COL14A1: variants seen among roughly 807,000 people sequenced by gnomAD.
The protein encoded by COL14A1 is collagen alpha-1(XIV) chain.
A neutral mutation model predicts 230.3 loss-of-function variants in COL14A1; 136 were observed. That is an observed-to-expected ratio of 0.59 (90% CI 0.51 to 0.68). The LOEUF is 0.68. Among genes scored for constraint, COL14A1 ranks in the 30% least tolerant of loss-of-function variants. COL14A1 has a pLI of 0.00. For missense variants in COL14A1, 1,976 were observed against 2,215.8 expected (o/e 0.89, Z 2.17); for synonymous variants, 792 against 784.1 (o/e 1.01, Z -0.17).
rs376692180 is a variant in COL14A1 at position 120,289,647 on chromosome 8, A to G, written c.4117A>G (p.Ile1373Val). The G allele has an allele frequency of 3.7e-6, 6 of 1,614,066 alleles. No homozygotes were observed. Among genetic ancestry groups the G allele is most frequent in the African/African-American group, 1.3e-5 (1 of 75,050 alleles). ...VVSETLVKVV[I>V]DCKQVGEKAM... ...CAGTGAGACTTTGGTCAAAGTGGTT[A>G]TTGACTGCAAGCAAGTGGGTGAGAA... Residue 1373 changes from isoleucine (I) to valine (V), a missense_variant, in exon 34 of 48, where the codon ATT (isoleucine) becomes GTT (valine). This residue lies in a region of COL14A1 where 1,791 missense variants were observed against 2,019.5 expected (regional missense o/e 0.89). Coordinates refer to ENST00000297848, the MANE Select transcript of COL14A1 (RefSeq NM_021110.4).
intron 19 of COL14A1, among the ~76,000 whole-genome samples, chr8:120,232,468 C>T (rs10094350): frequency 0.092 from 14,042 of 152,068 alleles, 1,264 homozygotes; most frequent in East Asian, 0.4. Context: ...CTCCCTGTGT[C>T]CATGTGTTCT....
chr8:120,348,981 G>A (rs1489077825), intron 45 of COL14A1, among the ~76,000 whole-genome samples: 2 of 152,106 alleles, frequency 1.3e-5, no homozygotes, highest in Non-Finnish European at 2.9e-5. Context: ...ATACCCTAAT[G>A]TCCCTGTCTG....
Position 120,300,847 on chromosome 8 carries a change from T to G in COL14A1, c.4401+29T>G, listed in dbSNP as rs73329067. 8,646 of 1,548,666 alleles carry G rather than the reference T, an allele frequency of 5.6e-3. 353 individuals are homozygous for G. In the African/African-American group the frequency reaches 0.097, roughly 17 times the overall value. On this transcript the variant is annotated intron_variant, in intron 36 of 47. Coordinates refer to ENST00000297848, the MANE Select transcript of COL14A1 (RefSeq NM_021110.4). ...AGTCTTGCTGAGTTCAGCCTTAAAT[T>G]TTCTTTAATAATATTAATAGCTATC...
At chr8:120,124,535 A>T (rs1161125954), upstream of COL14A1, among the ~76,000 whole-genome samples, 1 of 152,222 alleles carries the variant, frequency 6.6e-6, no homozygotes, top group African/African-American at 2.4e-5. Context: ...TGTAACCTAC[A>T]GAAATGTCCA....
chr8:120,325,314 T>C (rs893311726), intron 40 of COL14A1, among the ~76,000 whole-genome samples: 1 of 152,190 alleles, frequency 6.6e-6, no homozygotes, highest in Non-Finnish European at 1.5e-5. Flanking sequence ...AAAGGAAAAA[T>C]GCCTAGAGCT....
At chr8:120,248,751 A>C (rs1413310934) in intron 21 of COL14A1, among the ~76,000 whole-genome samples, 1 of 151,916 alleles carries the variant, frequency 6.6e-6, no homozygotes, top group Non-Finnish European at 1.5e-5. Flanking sequence ...GCTACCTGGG[A>C]GGTTGAGGTG....
intron 5 of COL14A1, among the ~76,000 whole-genome samples, chr8:120,181,889 T>C (rs1586744188): frequency 6.6e-6 from 1 of 151,762 alleles, no homozygotes; most frequent in South Asian, 2.1e-4. Context: ...GAGGCGGAGG[T>C]TGCAGTAAGC....
chr8:120,236,939 G>A (rs1366360741), intron 19 of COL14A1, among the ~76,000 whole-genome samples: 3 of 152,130 alleles, frequency 2.0e-5, no homozygotes, highest in Non-Finnish European at 4.4e-5. Context: ...AATGTTGAAT[G>A]TTGGCCCCCA....
chr8:120,270,014 A>G, intron 25 of COL14A1, 21 bp from the exon 26 acceptor site: 2 of 1,609,698 alleles, frequency 1.2e-6, no homozygotes, highest in African/African-American at 1.3e-5. Flanking sequence ...CTCTGACTCA[A>G]AATTCATTGT....
Position 120,269,959 on chromosome 8 carries a change from A to G in COL14A1, c.3074-76A>G, listed in dbSNP as rs1819609730. ...GAGCTTCACTTAGCAGAGGGCAACC[A>G]TTATTTGTCTTATTGGTTTAATAAC... On this transcript the variant is annotated intron_variant, in intron 25 of 47. Coordinates refer to ENST00000297848, the MANE Select transcript of COL14A1 (RefSeq NM_021110.4). 4.7e-6 allele frequency: 7 copies of G among 1,504,238 alleles called. No homozygotes were observed. The East Asian group carries it at 9.1e-5, about 19-fold the overall frequency. 93.2% of individuals were successfully genotyped at this position (1,504,238 alleles called of 1,614,324 possible). A position where few individuals can be genotyped will look rare whatever the true frequency, so the allele number is the denominator to read the frequency against.
chr8:120,269,704 C>G (rs1409293565), intron 25 of COL14A1, among the ~76,000 whole-genome samples: 1 of 151,704 alleles, frequency 6.6e-6, no homozygotes, highest in Admixed American at 6.6e-5. Flanking sequence ...TTTGCTGATA[C>G]TTCGATCTCT....
chr8:120,270,219 A>G (rs372380914), intron 26 of COL14A1, 45 bp downstream of exon 26: 4 of 1,560,746 alleles, frequency 2.6e-6, no homozygotes, highest in African/African-American at 1.4e-5. Flanking sequence ...TTTAGAAATT[A>G]TTTCTCCAGC....
At chr8:120,249,982 A>G (rs1818888235) in intron 21 of COL14A1, among the ~76,000 whole-genome samples, 1 of 152,202 alleles carries the variant, frequency 6.6e-6, no homozygotes, top group Non-Finnish European at 1.5e-5. Context: ...CAGGAGGTAA[A>G]TAAATTTGTA....
intron 1 of COL14A1, among the ~76,000 whole-genome samples, chr8:120,127,066 G>A (rs1353031762): frequency 1.3e-5 from 2 of 152,174 alleles, no homozygotes; most frequent in Non-Finnish European, 2.9e-5. Context: ...AAGAAACCCT[G>A]TACCTATTAG....
At chr8:120,320,253 G>A (rs1821391957) in intron 40 of COL14A1, among the ~76,000 whole-genome samples, 1 of 152,078 alleles carries the variant, frequency 6.6e-6, no homozygotes, top group Non-Finnish European at 1.5e-5. Flanking sequence ...GCTAATATTA[G>A]TATTCACTAT....
intron 15 of COL14A1, among the ~76,000 whole-genome samples, chr8:120,225,595 C>A (rs1412800910): frequency 6.6e-6 from 1 of 152,070 alleles, no homozygotes; most frequent in Non-Finnish European, 1.5e-5. Context: ...AGTTTTGGCC[C>A]ACAAAAATGA....
At chr8:120,368,388 CAA>C (rs1255478286) in intron 46 of COL14A1, among the ~76,000 whole-genome samples, 3 of 151,974 alleles carry the variant, frequency 2.0e-5, no homozygotes, top group Non-Finnish European at 1.5e-5. Flanking sequence ...TTATTAGAGA[CAA>C]TGTGAGGAAC....
intron 37 of COL14A1, among the ~76,000 whole-genome samples, chr8:120,312,651 A>G (rs1821081934): frequency 6.6e-6 from 1 of 152,096 alleles, no homozygotes; most frequent in Non-Finnish European, 1.5e-5. Flanking sequence ...CTATAAATAT[A>G]TTTTCAACTA....
chr8:120,277,139 A>G (rs931163699), intron 26 of COL14A1, among the ~76,000 whole-genome samples: 4 of 152,176 alleles, frequency 2.6e-5, no homozygotes, highest in African/African-American at 9.7e-5. Context: ...AGCTTTGTAT[A>G]GTAGTGGTTA....
Sources: allele counts gnomAD v4.1 joint callset (sites outside exome capture counted in the v4.1 genomes callset), GRCh38; gene constraint gnomAD v4.1.1; regional missense constraint gnomAD v4.1.1; transcripts MANE v1.5; gene names NCBI Gene and HGNC (gene_info 2026-07-23, HGNC 2026-07-21).